LDB2: variants seen among roughly 807,000 people sequenced by gnomAD.
LDB2 encodes the protein LIM domain-binding protein 2.
A neutral mutation model predicts 44.3 loss-of-function variants in LDB2; 12 were observed. That is an observed-to-expected ratio of 0.27 (90% CI 0.17 to 0.44). The LOEUF (loss-of-function observed/expected upper bound fraction) is 0.44. Among genes scored for constraint, LDB2 ranks in the 20% least tolerant of loss-of-function variants. The pLI is 1.00. For synonymous variants in LDB2, 164 were observed against 174.8 expected (o/e 0.94, Z 0.49); for missense variants, 344 against 473.5 (o/e 0.73, Z 2.54).
chr4:16,505,565 A>G (rs1358146549), intron 7 of LDB2, among the ~76,000 whole-genome samples: 2 of 152,202 alleles, frequency 1.3e-5, no homozygotes, highest in Non-Finnish European at 2.9e-5. Context: ...ATAAAGCATG[A>G]TGCACATTCT....
chr4:16,793,957 C>T (rs1413558239), intron 1 of LDB2, among the ~76,000 whole-genome samples: 4 of 152,102 alleles, frequency 2.6e-5, no homozygotes, highest in African/African-American at 7.2e-5. Context: ...AGCTCCTTTC[C>T]TACCCCTCTC....
chr4:16,527,389 TC>T (rs1728607942), intron 5 of LDB2, among the ~76,000 whole-genome samples: 1 of 151,778 alleles, frequency 6.6e-6, no homozygotes, highest in African/African-American at 2.4e-5. Context: ...GCCACCTTAC[TC>T]CCGGAAGAAT....
intron 2 of LDB2, among the ~76,000 whole-genome samples, chr4:16,614,968 G>A (rs1010046442): frequency 2.7e-5 from 4 of 149,168 alleles, no homozygotes; most frequent in African/African-American, 9.8e-5. Flanking sequence ...TACTTGGGAG[G>A]CTGAGGCAGG....
intron 2 of LDB2, among the ~76,000 whole-genome samples, chr4:16,625,795 T>G (rs184288967): frequency 6.6e-6 from 1 of 152,334 alleles, no homozygotes; most frequent in Admixed American, 6.5e-5. Context: ...GATTCCAGCA[T>G]GCTGTTTCAT....
At chr4:16,613,640 C>A (rs1726284665) in intron 2 of LDB2, among the ~76,000 whole-genome samples, 1 of 151,988 alleles carries the variant, frequency 6.6e-6, no homozygotes, top group African/African-American at 2.4e-5. Context: ...ATGCAGAGAG[C>A]CAAATCATGA....
At chr4:16,735,028 A>G (rs968362724) in intron 2 of LDB2, among the ~76,000 whole-genome samples, 1 of 152,166 alleles carries the variant, frequency 6.6e-6, no homozygotes, top group Non-Finnish European at 1.5e-5. Context: ...CCATCTTCTA[A>G]GGGCTCGGGT....
intron 1 of LDB2, among the ~76,000 whole-genome samples, chr4:16,844,718 T>C (rs968272771): frequency 1.3e-5 from 2 of 152,196 alleles, no homozygotes; most frequent in African/African-American, 4.8e-5. Context: ...TTTTAAGACA[T>C]TGGTTTCGAG....
intron 5 of LDB2, among the ~76,000 whole-genome samples, chr4:16,559,303 C>G (rs997642506): frequency 1.1e-4 from 16 of 152,138 alleles, no homozygotes; most frequent in African/African-American, 3.4e-4. Context: ...CATCAGTGTG[C>G]TGTATTTAGG....
intron 2 of LDB2, among the ~76,000 whole-genome samples, chr4:16,641,831 G>A (rs1735252265): frequency 6.6e-6 from 1 of 152,114 alleles, no homozygotes; most frequent in South Asian, 2.1e-4. Flanking sequence ...AGGACACACA[G>A]AGTCACATTG....
In LDB2 at chr4:16,821,043, A is replaced by G. The variant is rs1781870844; in HGVS notation, c.133-61783T>C. Among the ~76,000 whole-genome samples, 6 of 152,326 alleles carry G rather than the reference A, an allele frequency of 3.9e-5. No homozygotes were observed. In the South Asian group the frequency reaches 1.2e-3, roughly 32 times the overall value. On this transcript the variant is annotated intron_variant, in intron 1 of 7. Coordinates refer to ENST00000304523, the MANE Select transcript of LDB2 (RefSeq NM_001290.5). ...TTTTAAATGGATTGACCACTCATCA[A>G]TTGCTTTACAGCTATAAAAGAAAAA...
At chr4:16,855,867 G>A (rs1323159781) in intron 1 of LDB2, among the ~76,000 whole-genome samples, 1 of 151,886 alleles carries the variant, frequency 6.6e-6, no homozygotes, top group African/African-American at 2.4e-5. Flanking sequence ...TTCATGAGTG[G>A]GTAAAATATC....
At chr4:16,730,400 G>A (rs1760492463) in intron 2 of LDB2, among the ~76,000 whole-genome samples, 1 of 152,156 alleles carries the variant, frequency 6.6e-6, no homozygotes, top group African/African-American at 2.4e-5. Flanking sequence ...GGCAGATCTT[G>A]TTCTTAATCT....
At chr4:16,857,743 C>T (rs1789634855) in intron 1 of LDB2, among the ~76,000 whole-genome samples, 1 of 152,190 alleles carries the variant, frequency 6.6e-6, no homozygotes, top group African/African-American at 2.4e-5. Context: ...AAGGTCTCTG[C>T]TCAAAGGTAC....
At chr4:16,508,471 T>C in intron 7 of LDB2, 64 bp downstream of exon 7, 1 of 1,347,308 alleles carries the variant, frequency 7.4e-7, no homozygotes, top group East Asian at 2.6e-5. Flanking sequence ...AGACTTTAAT[T>C]TGGGCCCTTT....
chr4:16,741,344 T>C (rs892075341), intron 2 of LDB2: 1 of 152,082 alleles, frequency 6.6e-6, no homozygotes, highest in Non-Finnish European at 1.5e-5. Flanking sequence ...GATTAAGGGG[T>C]GAAAAGGCTG....
At chr4:16,872,486 C>T (rs993260021) in intron 1 of LDB2, among the ~76,000 whole-genome samples, 3 of 152,160 alleles carry the variant, frequency 2.0e-5, no homozygotes, top group African/African-American at 7.2e-5. Flanking sequence ...ATGGTTCCTT[C>T]AACTGAATTG....
intron 1 of LDB2, among the ~76,000 whole-genome samples, chr4:16,810,141 A>T (rs1216275332): frequency 6.6e-6 from 1 of 152,154 alleles, no homozygotes; most frequent in East Asian, 1.9e-4. Flanking sequence ...TGTGGTAATT[A>T]ATTCTTCCTT....
At chr4:16,772,531 A>G (rs1339000595) in intron 1 of LDB2, among the ~76,000 whole-genome samples, 1 of 152,242 alleles carries the variant, frequency 6.6e-6, no homozygotes, top group East Asian at 1.9e-4. Flanking sequence ...ATAGAGTACC[A>G]GGAACTTTCC....
chr4:16,698,959 C>T (rs1342870198), intron 2 of LDB2, among the ~76,000 whole-genome samples: 2 of 152,148 alleles, frequency 1.3e-5, no homozygotes, highest in Admixed American at 1.3e-4. Flanking sequence ...CAGATCTCTT[C>T]CATATTATCT....
Sources: allele counts gnomAD v4.1 joint callset (sites outside exome capture counted in the v4.1 genomes callset), GRCh38; gene constraint gnomAD v4.1.1; transcripts MANE v1.5; gene names NCBI Gene and HGNC (gene_info 2026-07-23, HGNC 2026-07-21).